SDR42E1: variants seen among roughly 807,000 people sequenced by gnomAD.
SDR42E1 encodes short-chain dehydrogenase/reductase family 42E member 1.
In SDR42E1, 5 loss-of-function variants were observed where a neutral mutation model predicts 2.6. The ratio of observed to expected loss-of-function variants is 1.94; its 90% CI spans 1.01 to 4.08. The LOEUF is 4.08. Ranked by LOEUF, SDR42E1 falls within the 30% of genes most tolerant of loss-of-function variation. The pLI, the probability that SDR42E1 is intolerant of heterozygous loss-of-function variation, is 0.00. For missense variants in SDR42E1, 596 were observed against 478.6 expected, an observed-to-expected ratio of 1.25 and a Z score of -2.29; for synonymous variants, 231 against 188.3, an observed-to-expected ratio of 1.23 and a Z score of -1.86.
chr16:82,009,690 A>T (rs145457757), intron 1 of SDR42E1, among the ~76,000 whole-genome samples: 1 of 152,232 alleles, frequency 6.6e-6, no homozygotes, highest in Non-Finnish European at 1.5e-5. Context: ...CTTGCCTCAG[A>T]TGAGACTTTG....
chr16:82,008,728 A>C (rs1913029923), intron 1 of SDR42E1, among the ~76,000 whole-genome samples: 1 of 152,238 alleles, frequency 6.6e-6, no homozygotes, highest in Admixed American at 6.5e-5. Flanking sequence ...AAAGAAAAGA[A>C]AAACCCATTT....
At position 81,989,635 on chromosome 16, in the gene SDR42E1, C is replaced by G. The variant is rs970784552; in HGVS notation, c.*9476G>C. On this transcript the variant is annotated 3_prime_UTR_variant, in exon 3 of 3. Transcript: ENST00000328945. ...GCATAGATGCCTACTTGTTCTCTAGCATGGTGTAATTGACTCTGCAATCTC... is the reference window on the plus strand; with the variant it reads ...GCATAGATGCCTACTTGTTCTCTAGGATGGTGTAATTGACTCTGCAATCTC... 1.2e-4 allele frequency: 18 copies of G among 152,180 alleles called. No homozygotes were observed. The highest frequency in any genetic ancestry group is 4.3e-4 in the African/African-American group (18 of 41,430). The allele number at this position is 152,180 out of a possible 1,614,324, so 9.4% of individuals were successfully genotyped here.
chr16:82,000,238 C>T lies in SDR42E1; in HGVS notation c.69-14G>A, dbSNP rs964924868. ...GCACAGCCCAGGCTGAAATAAGAAACAGTAAACGTTGAATCAAGTCACTCT... is the reference window on the plus strand; with the variant it reads ...GCACAGCCCAGGCTGAAATAAGAAATAGTAAACGTTGAATCAAGTCACTCT... On this transcript the variant is annotated splice_polypyrimidine_tract_variant and intron_variant, in intron 2 of 2. Transcript: ENST00000328945. The T allele has an allele frequency of 2.5e-6, 4 of 1,601,470 alleles. No homozygotes were observed. The highest frequency in any genetic ancestry group is 1.1e-5 in the South Asian group (1 of 91,034).
chr16:82,004,588 T>C (rs1445222369), intron 1 of SDR42E1, among the ~76,000 whole-genome samples: 1 of 152,178 alleles, frequency 6.6e-6, no homozygotes, highest in Non-Finnish European at 1.5e-5. Context: ...GCAACCTTGA[T>C]TTCCTGGCCT....
chr16:82,008,677 A>G (rs941321145), intron 1 of SDR42E1, among the ~76,000 whole-genome samples: 2 of 152,210 alleles, frequency 1.3e-5, no homozygotes, highest in Admixed American at 6.5e-5. Context: ...TTCAAGAGGA[A>G]GCAGAGTGTA....
rs896005131 is a variant in SDR42E1 at position 81,991,078 on chromosome 16, G to A, written c.*8033C>T. On this transcript the variant is annotated 3_prime_UTR_variant, in exon 3 of 3. Transcript: ENST00000328945. ...TGATTTAGAGGAGAGACTAGGACATGTGCAATGTGACCAATATCAGTATTT... is the reference window on the plus strand; with the variant it reads ...TGATTTAGAGGAGAGACTAGGACATATGCAATGTGACCAATATCAGTATTT... 2.6e-5 allele frequency: 4 copies of A among 152,182 alleles called. No individual in the cohort carries two copies. The highest frequency in any genetic ancestry group is 7.2e-5 in the African/African-American group (3 of 41,442). 9.4% of individuals were successfully genotyped at this position (152,182 alleles called of 1,614,324 possible). A position where few individuals can be genotyped will look rare whatever the true frequency, so the allele number is the denominator to read the frequency against.
intron 1 of SDR42E1, among the ~76,000 whole-genome samples, chr16:82,006,761 T>A (rs1912950959): frequency 6.6e-6 from 1 of 151,880 alleles, no homozygotes; most frequent in Non-Finnish European, 1.5e-5. Context: ...ACCACTATAC[T>A]CCAGTCTAGG....
chr16:81,999,672 A>T lies in SDR42E1; in HGVS notation c.621T>A (p.Gly207=), dbSNP rs1567563246. 3.1e-6 allele frequency: 5 copies of T among 1,613,740 alleles called. No homozygotes were observed. The highest frequency in any genetic ancestry group is 4.2e-6 in the Non-Finnish European group (5 of 1,179,952). ...GGTCCCCGTAGACAAACTTGAACAG[A>T]CCCTTCTCGATGTAGCTGACTATCC... ...LPRIVSYIEK[G]LFKFVYGDPR... The change falls in exon 3 of 3, where the codon GGT becomes GGA. Residue 207 remains glycine, a synonymous_variant. Transcript: ENST00000328945.
At position 81,999,449 on chromosome 16, in the gene SDR42E1, G is replaced by T. The variant is rs1380299372; in HGVS notation, c.844C>A (p.Leu282Met). 6.2e-7 allele frequency: 1 copy of T among 1,614,106 alleles called. No homozygotes were observed. Among genetic ancestry groups the T allele is most frequent in the African/African-American group, 1.3e-5 (1 of 74,944 alleles). ...AAGCAGTAGACCAAGGTCAATGGCA[G>T]GCGGGTAGACGGGAATGTGTAGCCC... ...GLGYTFPSTR[L>M]PLTLVYCFAF... The change falls in exon 3 of 3, where the codon CTG becomes ATG. Residue 282 changes from leucine (L) to methionine (M), a missense_variant. Physicochemically the swap from Leu to Met is conservative, Grantham distance 15. Coordinates refer to ENST00000328945, the MANE Select transcript of SDR42E1 (RefSeq NM_145168.3).
intron 1 of SDR42E1, among the ~76,000 whole-genome samples, chr16:82,002,792 T>C (rs796636604): frequency 5.3e-5 from 8 of 152,338 alleles, no homozygotes; most frequent in African/African-American, 1.9e-4. Flanking sequence ...GTGGAGCTGA[T>C]AATAAGCCTG....
intron 1 of SDR42E1, among the ~76,000 whole-genome samples, chr16:82,001,878 G>C (rs968857201): frequency 2.0e-5 from 3 of 149,882 alleles, no homozygotes; most frequent in African/African-American, 7.4e-5. Context: ...CTCTAGCCTG[G>C]GCGACAGAGC....
chr16:82,000,792 G>T lies in SDR42E1; in HGVS notation c.67C>A (p.Arg23Ser). The T allele has an allele frequency of 6.2e-7, 1 of 1,612,412 alleles. No individual in the cohort carries two copies. Among genetic ancestry groups the T allele is most frequent in the Non-Finnish European group, 8.5e-7 (1 of 1,178,930 alleles). ...TGTATATTTTATAGATACACTTACCGAAAACCAAAATAGCCACTTCCTCCT... is the reference window on the plus strand; with the variant it reads ...TGTATATTTTATAGATACACTTACCTAAAACCAAAATAGCCACTTCCTCCT... The part of the protein sequence containing the change: ...ITGGSGYFGF[R>S]LGCALNQNGV... Residue 23 changes from arginine to serine, a missense_variant and splice_region_variant, in exon 2 of 3, where the codon CGC becomes AGC. Arg to Ser is a moderately radical substitution (Grantham distance 110). Transcript: ENST00000328945.
rs1231760534 is a variant in SDR42E1, at chr16:81,999,968, C to A, written c.325G>T (p.Val109Phe). The stretch of plus-strand genomic sequence containing the variant: ...CTGGGCACCCTTCTCCTTTGGCAAA[C>A]CTGGAGGATGTTGTCTGTGCCCCTG... ...NVRGTDNILQ[V>F]CQRRRVPRLV... Residue 109 changes from valine to phenylalanine, a missense_variant, in exon 3 of 3, where the codon GTT becomes TTT. Transcript: ENST00000328945. The A allele has an allele frequency of 6.2e-7, 1 of 1,614,112 alleles. No homozygotes were observed. Among genetic ancestry groups the A allele is most frequent in the African/African-American group, 1.3e-5 (1 of 74,940 alleles).
intron 1 of SDR42E1, among the ~76,000 whole-genome samples, chr16:82,004,531 C>G (rs910442733): frequency 6.6e-6 from 1 of 152,202 alleles, no homozygotes; most frequent in Non-Finnish European, 1.5e-5. Flanking sequence ...GACAAGGTCT[C>G]ACTCTGTTGC....
intron 1 of SDR42E1, among the ~76,000 whole-genome samples, chr16:82,003,330 A>C (rs545367243): frequency 6.6e-6 from 1 of 152,334 alleles, no homozygotes; most frequent in Admixed American, 6.5e-5. Context: ...TCCCATTTGG[A>C]TTTAGAGTAG....
intron 1 of SDR42E1, among the ~76,000 whole-genome samples, chr16:82,010,452 T>A (rs975174859): frequency 2.6e-5 from 4 of 152,026 alleles, no homozygotes; most frequent in African/African-American, 9.7e-5. Flanking sequence ...GAAAGGAAAA[T>A]AAATCTTGGG....
At chr16:82,007,409 T>C (rs1448224222) in intron 1 of SDR42E1, among the ~76,000 whole-genome samples, 4 of 152,272 alleles carry the variant, frequency 2.6e-5, no homozygotes, top group African/African-American at 9.6e-5. Flanking sequence ...ACACTCTGTC[T>C]GTGAATTATT....
chr16:81,995,549 C>A lies in SDR42E1; in HGVS notation c.*3562G>T, dbSNP rs576262583. On this transcript the variant is annotated 3_prime_UTR_variant, in exon 3 of 3. Transcript: ENST00000328945. ...TTATAGCATTAATACTCCACCAGAT[C>A]ATATAGACAATGACTTCCCTTACTC... is the stretch of plus-strand genomic sequence containing the variant. 1 of 152,322 alleles carries A rather than the reference C, an allele frequency of 6.6e-6. No homozygotes were observed. Among genetic ancestry groups the A allele is most frequent in the East Asian group, 1.9e-4 (1 of 5,190 alleles). The allele number at this position is 152,322 out of a possible 1,614,324, so 9.4% of individuals were successfully genotyped here. A position where few individuals can be genotyped will look rare whatever the true frequency, so the allele number is the denominator to read the frequency against.
chr16:82,004,012 A>G (rs186388940), intron 1 of SDR42E1, among the ~76,000 whole-genome samples: 1 of 152,360 alleles, frequency 6.6e-6, no homozygotes, highest in East Asian at 1.9e-4. Flanking sequence ...TTTAACAATA[A>G]CATGTCTCCT....
Sources: gnomAD v4.1 joint callset for allele counts (sites outside exome capture counted in the v4.1 genomes callset) on GRCh38, gnomAD v4.1.1 for gene constraint, MANE v1.5 for transcripts, NCBI Gene and HGNC (gene_info 2026-07-23, HGNC 2026-07-21) for gene names.